Variants in FHIT observed in about 807,000 individuals in gnomAD.
FHIT encodes fragile histidine triad diadenosine triphosphatase.
In FHIT, 19 loss-of-function variants were observed where a neutral mutation model predicts 17.9. The ratio of observed to expected loss-of-function variants is 1.06; its 90% CI spans 0.74 to 1.56. The LOEUF is 1.56. FHIT is among the 40% of genes most tolerant of loss of function. The pLI, the probability that FHIT is intolerant of heterozygous loss-of-function variation, is 0.00. For missense variants in FHIT, 248 were observed against 189.2 expected (o/e 1.31, Z -1.82); for synonymous variants, 81 against 69.7 (o/e 1.16, Z -0.81).
At chr3:60,400,010 A>T (rs1305735587) in intron 5 of FHIT, among the ~76,000 whole-genome samples, 2 of 152,116 alleles carry the variant, frequency 1.3e-5, no homozygotes, top group African/African-American at 2.4e-5. Context: ...GGAAGAGGAC[A>T]CAAGAGGTGC....
chr3:60,798,536 G>A (rs1701070903), intron 4 of FHIT, among the ~76,000 whole-genome samples: 1 of 152,054 alleles, frequency 6.6e-6, no homozygotes, highest in Non-Finnish European at 1.5e-5. Context: ...TTACTAGCTG[G>A]ATTTGTTAAT....
chr3:60,988,124 G>A (rs2029871552), intron 3 of FHIT, among the ~76,000 whole-genome samples: 1 of 152,152 alleles, frequency 6.6e-6, no homozygotes, highest in Admixed American at 6.5e-5. Context: ...TCAGATGTTT[G>A]TTGGTTGAGA....
intron 4 of FHIT, among the ~76,000 whole-genome samples, chr3:60,671,625 A>T (rs993975235): frequency 3.3e-5 from 5 of 152,168 alleles, no homozygotes; most frequent in Admixed American, 6.5e-5. Flanking sequence ...GAAAGTTCTT[A>T]AAGTTTTAGT....
chr3:60,586,300 T>C (rs1559559625), intron 4 of FHIT, among the ~76,000 whole-genome samples: 1 of 152,032 alleles, frequency 6.6e-6, no homozygotes, highest in Non-Finnish European at 1.5e-5. Context: ...TATTTGATAG[T>C]TTCCATGACT....
intron 1 of FHIT, among the ~76,000 whole-genome samples, chr3:61,220,521 T>C (rs1201443311): frequency 1.3e-5 from 2 of 152,168 alleles, no homozygotes; most frequent in Non-Finnish European, 2.9e-5. Flanking sequence ...ACATTTAGAG[T>C]CCAGGGAGGT....
intron 4 of FHIT, among the ~76,000 whole-genome samples, chr3:60,686,977 T>G (rs74822309): frequency 0.012 from 1,785 of 152,348 alleles, 39 homozygotes; most frequent in African/African-American, 0.041. Flanking sequence ...TGTTTGTGTT[T>G]TGTGAGGGTT....
At chr3:60,710,344 C>T (rs368277611) in intron 4 of FHIT, among the ~76,000 whole-genome samples, 1 of 152,310 alleles carries the variant, frequency 6.6e-6, no homozygotes, top group East Asian at 1.9e-4. Context: ...GAGTGAGCGA[C>T]ACAGAAGATG....
chr3:61,015,884 G>A (rs1343573390), intron 3 of FHIT, among the ~76,000 whole-genome samples: 1 of 152,222 alleles, frequency 6.6e-6, no homozygotes, highest in Non-Finnish European at 1.5e-5. Context: ...TCAAAGCACA[G>A]AGGAACAATA....
chr3:61,206,070 A>G (rs1195372218), intron 1 of FHIT, among the ~76,000 whole-genome samples: 3 of 128,234 alleles, frequency 2.3e-5, no homozygotes, highest in African/African-American at 8.8e-5. Context: ...TTTATTAAAT[A>G]GGGAATCCTT....
At chr3:61,156,600 G>A (rs1236793946) in intron 2 of FHIT, among the ~76,000 whole-genome samples, 1 of 152,002 alleles carries the variant, frequency 6.6e-6, no homozygotes, top group Admixed American at 6.6e-5. Context: ...ATAGATTCAA[G>A]AAAATACCAT....
At chr3:60,486,283 T>C (rs2033836701) in intron 5 of FHIT, among the ~76,000 whole-genome samples, 1 of 152,166 alleles carries the variant, frequency 6.6e-6, no homozygotes, top group African/African-American at 2.4e-5. Flanking sequence ...GTTTTTTAAT[T>C]AGAGGAAGAG....
intron 4 of FHIT, among the ~76,000 whole-genome samples, chr3:60,660,881 A>G (rs1228879898): frequency 3.3e-5 from 5 of 150,882 alleles, no homozygotes; most frequent in African/African-American, 1.2e-4. Context: ...TTCTTTGTGT[A>G]ATATGTGGTT....
At chr3:61,022,005 T>G (rs1575853413) in intron 3 of FHIT, among the ~76,000 whole-genome samples, 1 of 151,274 alleles carries the variant, frequency 6.6e-6, no homozygotes, top group Admixed American at 6.6e-5. Flanking sequence ...CAGGGCAAAT[T>G]TGAAGGAGAT....
intron 2 of FHIT, among the ~76,000 whole-genome samples, chr3:61,067,632 T>A (rs1329301910): frequency 1.3e-5 from 2 of 152,084 alleles, no homozygotes; most frequent in Non-Finnish European, 2.9e-5. Context: ...GGGCTTCAGG[T>A]GAACAGAAAC....
intron 5 of FHIT, among the ~76,000 whole-genome samples, chr3:60,521,334 G>T (rs563540236): frequency 2.6e-5 from 4 of 151,904 alleles, no homozygotes; most frequent in East Asian, 1.9e-4. Context: ...TGCAAGCTCC[G>T]CCTCCCAGAT....
rs554967535 is a variant in FHIT, at chr3:59,981,292, C to T, written c.279+30079G>A. ...ATTAAAATTTCCACACTTGGAATGC[C>T]CCTGTATGAGGAAGAACTGAACGCT... On this transcript the variant is annotated intron_variant, in intron 7 of 9. Coordinates refer to ENST00000492590, the MANE Select transcript of FHIT (RefSeq NM_002012.4). 2.6e-5 allele frequency among the ~76,000 whole-genome samples: 4 copies of T among 152,044 alleles called. No homozygotes were observed. The South Asian group carries it at 8.3e-4, about 32-fold the overall frequency.
chr3:60,824,936 G>C (rs1182590333), intron 3 of FHIT, among the ~76,000 whole-genome samples: 15 of 152,110 alleles, frequency 9.9e-5, no homozygotes, highest in African/African-American at 3.6e-4. Flanking sequence ...GTCTTTATCA[G>C]CAGCATGAAA....
chr3:60,091,076 G>A (rs1379929473), intron 5 of FHIT, among the ~76,000 whole-genome samples: 14 of 152,142 alleles, frequency 9.2e-5, no homozygotes, highest in African/African-American at 3.4e-4. Flanking sequence ...TCGTCTCCTT[G>A]GAAAAGGCAC....
intron 5 of FHIT, among the ~76,000 whole-genome samples, chr3:60,491,976 C>T (rs1243361104): frequency 6.6e-6 from 1 of 152,154 alleles, no homozygotes; most frequent in Non-Finnish European, 1.5e-5. Flanking sequence ...AAATAAAGAA[C>T]TTTCTAACCT....
Sources: gnomAD v4.1 joint callset for allele counts (sites outside exome capture counted in the v4.1 genomes callset) on GRCh38, gnomAD v4.1.1 for gene constraint, MANE v1.5 for transcripts, NCBI Gene and HGNC (gene_info 2026-07-23, HGNC 2026-07-21) for gene names.